Variants in HPS3 observed in about 807,000 individuals in gnomAD.
HPS3 encodes HPS3 biogenesis of lysosomal organelles complex 2 subunit 1.
In HPS3, 79 loss-of-function variants were observed where a neutral mutation model predicts 110.9. The observed-to-expected ratio is 0.71, with a 90% CI of 0.59 to 0.86. The LOEUF (loss-of-function observed/expected upper bound fraction) is 0.86, where lower values mean the gene tolerates loss of function less well. Ranked by LOEUF, HPS3 falls within the 40% of genes least tolerant of loss-of-function variation. HPS3 has a pLI of 0.00. For missense variants in HPS3, 1,197 were observed against 1,206.2 expected (o/e 0.99, Z 0.11); for synonymous variants, 428 against 451.0 (o/e 0.95, Z 0.65).
intron 1 of HPS3, among the ~76,000 whole-genome samples, chr3:149,139,683 T>C (rs1334386696): frequency 1.3e-5 from 2 of 152,222 alleles, no homozygotes; most frequent in Non-Finnish European, 2.9e-5. Flanking sequence ...TCTGTGTCAG[T>C]AGAGCTTTGT....
At chr3:149,157,203 GA>G (rs1723508279) in intron 8 of HPS3, 146 bp from the exon 9 acceptor site, 3 of 736,952 alleles carry the variant, frequency 4.1e-6, no homozygotes, top group African/African-American at 1.7e-5. Context: ...GCCCTTGTCA[GA>G]ATGGTGAATA....
At chr3:149,140,550 C>T (rs1576666040) in intron 2 of HPS3, 52 bp downstream of exon 2, 3 of 1,595,842 alleles carry the variant, frequency 1.9e-6, no homozygotes, top group Non-Finnish European at 2.6e-6. Context: ...AGAAAACCTT[C>T]ACCTTTGGCA....
At chr3:149,145,027 G>A (rs901329613) in intron 4 of HPS3, among the ~76,000 whole-genome samples, 1 of 152,014 alleles carries the variant, frequency 6.6e-6, no homozygotes, top group African/African-American at 2.4e-5. Flanking sequence ...CTATACTCAG[G>A]CTTGCTCAGA....
rs943620891 is a variant in HPS3, at chr3:149,172,322, A to T, written c.*100A>T. ...AGGAGTTTTTTATTTTATATATCAC[A>T]CACACACACACACACACACACACAC... is the stretch of plus-strand genomic sequence containing the variant. On this transcript the variant is annotated 3_prime_UTR_variant, in exon 17 of 17. Transcript: ENST00000296051. 87 of 542,818 alleles carry T rather than the reference A, an allele frequency of 1.6e-4. No homozygotes were observed. Among genetic ancestry groups the T allele is most frequent in the Non-Finnish European group, 2.4e-4 (71 of 298,476 alleles). The allele number at this position is 542,818 out of a possible 1,614,324, so 33.6% of individuals were successfully genotyped here. A position where few individuals can be genotyped will look rare whatever the true frequency, so the allele number is the denominator to read the frequency against.
Position 149,158,772 on chromosome 3 carries a change from C to G in HPS3, c.1798C>G (p.Gln600Glu). ...GGACTGGACAGTAGAGGATGGATTA[C>G]AGAAATACGAGAGAGGATTAATCTT... The part of the protein sequence containing the change: ...RTDWTVEDGL[Q>E]KYERGLIFYI... Residue 600 changes from glutamine to glutamate, a missense_variant, in exon 10 of 17, where the codon CAG becomes GAG. By Grantham distance (29) the Gln-to-Glu change is conservative (BLOSUM62 2). Transcript: ENST00000296051. The G allele has an allele frequency of 6.2e-7, 1 of 1,611,262 alleles. No individual in the cohort carries two copies. The highest frequency in any genetic ancestry group is 8.5e-7 in the Non-Finnish European group (1 of 1,177,510).
At chr3:149,149,604 C>T (rs1432454587) in intron 5 of HPS3, among the ~76,000 whole-genome samples, 1 of 151,756 alleles carries the variant, frequency 6.6e-6, no homozygotes, top group Non-Finnish European at 1.5e-5. Flanking sequence ...TTTATGAGGA[C>T]ATTTTTTAAA....
intron 14 of HPS3, among the ~76,000 whole-genome samples, chr3:149,166,260 AATG>A (rs1724402815): frequency 6.6e-6 from 1 of 152,234 alleles, no homozygotes; most frequent in African/African-American, 2.4e-5. Flanking sequence ...TATTGATAAC[AATG>A]ATTAGTTCTA....
intron 7 of HPS3, 45 bp downstream of exon 7, chr3:149,153,693 G>T (rs1723275834): frequency 1.9e-6 from 3 of 1,572,014 alleles, no homozygotes; most frequent in Admixed American, 1.7e-5. Flanking sequence ...TTTCTGGAAT[G>T]AGTTGTAACT....
intron 14 of HPS3, among the ~76,000 whole-genome samples, chr3:149,165,377 A>G (rs1170691400): frequency 2.6e-5 from 4 of 152,248 alleles, no homozygotes; most frequent in African/African-American, 9.6e-5. Context: ...TTGTTTTAAA[A>G]TATTTTAAAA....
chr3:149,129,998 G>A (rs1184206293), intron 1 of HPS3, 58 bp downstream of exon 1: 2 of 1,462,500 alleles, frequency 1.4e-6, no homozygotes, highest in East Asian at 4.9e-5. Context: ...CTCCTAGCTA[G>A]CGGACCGAAC....
At chr3:149,144,422 A>G (rs1340156909) in intron 4 of HPS3, among the ~76,000 whole-genome samples, 1 of 152,184 alleles carries the variant, frequency 6.6e-6, no homozygotes, top group African/African-American at 2.4e-5. Context: ...ATACCACCAG[A>G]TATCCAGTAA....
At chr3:149,153,255 T>C (rs1040184330) in intron 6 of HPS3, among the ~76,000 whole-genome samples, 11 of 152,204 alleles carry the variant, frequency 7.2e-5, no homozygotes, top group African/African-American at 2.7e-4. Flanking sequence ...AATCAATAAC[T>C]GAGTTTGTTG....
intron 16 of HPS3, 156 bp downstream of exon 16, chr3:149,168,139 T>G (rs897392753): frequency 1.6e-6 from 1 of 619,698 alleles, no homozygotes; most frequent in African/African-American, 1.9e-5. Flanking sequence ...TACCCTCCCC[T>G]TGACATTTGA....
rs925620896 is a variant in HPS3 at position 149,140,451 on chromosome 3, A to G, written c.665A>G (p.His222Arg). 2 of 1,613,628 alleles carry G rather than the reference A, an allele frequency of 1.2e-6. No individual in the cohort carries two copies. The highest frequency in any genetic ancestry group is 8.5e-7 in the Non-Finnish European group (1 of 1,179,874). Residue 222 changes from histidine (H) to arginine (R), a missense_variant, in exon 2 of 17, where the codon CAC becomes CGC. Transcript: ENST00000296051. ...ESGPKNGERV[H>R]HHPHKTNNRI... ...GGCCCTAAAAATGGAGAGAGAGTTC[A>G]CCACCATCCACATAAGACCAACAAT...
chr3:149,162,788 A>T lies in HPS3; in HGVS notation c.2391A>T (p.Glu797Asp), dbSNP rs536290881. ...GTCTCCCAGATGTGGTACTTCAGGA[A>T]CTCTTTTTCAAACTCACATCACAGT... ...VACLPDVVLQ[E>D]LFFKLTSQYI... is the part of the protein sequence containing the mutation. The change falls in exon 13 of 17, where the codon GAA becomes GAT. Residue 797 changes from glutamate (E) to aspartate (D), a missense_variant. Physicochemically the swap from Glu to Asp is conservative, Grantham distance 45 (BLOSUM62 2). Coordinates refer to ENST00000296051, the MANE Select transcript of HPS3 (RefSeq NM_032383.5). 6.2e-7 allele frequency: 1 copy of T among 1,613,842 alleles called. No homozygotes were observed. The highest frequency in any genetic ancestry group is 2.2e-5 in the East Asian group (1 of 44,868).
At chr3:149,153,463 C>T (rs759296193) in intron 6 of HPS3, 31 bp from the exon 7 acceptor site, 3 of 1,594,460 alleles carry the variant, frequency 1.9e-6, no homozygotes. Flanking sequence ...ACCTTTATTT[C>T]TTGCTTAAAT....
At chr3:149,161,071 G>A (rs2108165005) in intron 11 of HPS3, among the ~76,000 whole-genome samples, 1 of 152,336 alleles carries the variant, frequency 6.6e-6, no homozygotes, top group African/African-American at 2.4e-5. Flanking sequence ...CCCACAGTAT[G>A]ACTTGGGTTG....
chr3:149,150,674 C>T lies in HPS3; in HGVS notation c.1239C>T (p.Thr413=). 2 of 1,612,268 alleles carry T rather than the reference C, an allele frequency of 1.2e-6. No homozygotes were observed. Among genetic ancestry groups the T allele is most frequent in the Non-Finnish European group, 1.7e-6 (2 of 1,178,390 alleles). The part of the protein sequence containing the change: ...AREEDPYMDT[T]LKACPPVSMD... ...AGGAGGACCCGTACATGGACACCAC[C>T]CTGAAGGTAAGAACTGGCTTATGAA... The change falls in exon 6 of 17, where the codon ACC becomes ACT. Residue 413 remains threonine, a synonymous_variant. Coordinates refer to ENST00000296051, the MANE Select transcript of HPS3 (RefSeq NM_032383.5).
chr3:149,159,527 C>CA (rs1428623519), intron 10 of HPS3, among the ~76,000 whole-genome samples: 1 of 152,088 alleles, frequency 6.6e-6, no homozygotes, highest in African/African-American at 2.4e-5. Context: ...TACACCACTG[C>CA]ATTCCAGGCT....
Sources: allele counts gnomAD v4.1 joint callset (sites outside exome capture counted in the v4.1 genomes callset), GRCh38; gene constraint gnomAD v4.1.1; transcripts MANE v1.5; gene names NCBI Gene and HGNC (gene_info 2026-07-23, HGNC 2026-07-21).